The following PLSCR4 variants were observed in gnomAD, a reference collection of about 807,000 sequenced individuals.
PLSCR4 encodes the protein Ca(2+)-dependent phospholipid scramblase 4.
A neutral mutation model predicts 36.3 loss-of-function variants in PLSCR4; 25 were observed. The ratio of observed to expected loss-of-function variants is 0.69; its 90% CI spans 0.50 to 0.96. The LOEUF (loss-of-function observed/expected upper bound fraction) is 0.96. Ranked by LOEUF, PLSCR4 falls within the 40% of genes least tolerant of loss-of-function variation. The pLI is 0.00. For synonymous variants in PLSCR4, 122 were observed against 132.9 expected, an observed-to-expected ratio of 0.92 and a Z score of 0.56; for missense variants, 408 against 414.7, an observed-to-expected ratio of 0.98 and a Z score of 0.14.
At chr3:146,228,689 AAAG>A (rs2035578014) in intron 1 of PLSCR4, among the ~76,000 whole-genome samples, 1 of 149,470 alleles carries the variant, frequency 6.7e-6, no homozygotes, top group African/African-American at 2.5e-5. Flanking sequence ...CCAAAAATTA[AAAG>A]AATATAGTGT....
chr3:146,205,087 G>T (rs6808115), intron 4 of PLSCR4, among the ~76,000 whole-genome samples: 1 of 151,782 alleles, frequency 6.6e-6, no homozygotes, highest in Non-Finnish European at 1.5e-5. Context: ...GACAGAACTC[G>T]AGGAAATACT....
At chr3:146,204,502 T>C (rs985589464) in intron 4 of PLSCR4, among the ~76,000 whole-genome samples, 1 of 151,906 alleles carries the variant, frequency 6.6e-6, no homozygotes, top group East Asian at 1.9e-4. Flanking sequence ...AGCAAGAGGT[T>C]AGAAATTTTA....
At chr3:146,196,225 C>T (rs1416315298) in intron 7 of PLSCR4, among the ~76,000 whole-genome samples, 1 of 152,060 alleles carries the variant, frequency 6.6e-6, no homozygotes, top group Non-Finnish European at 1.5e-5. Context: ...AGTATTTCCA[C>T]AGCCTAAGGA....
intron 1 of PLSCR4, among the ~76,000 whole-genome samples, chr3:146,230,126 C>A (rs1415087161): frequency 6.6e-6 from 1 of 151,970 alleles, no homozygotes; most frequent in Non-Finnish European, 1.5e-5. Context: ...GGCCCCTAAG[C>A]CTGTGGAGTT....
intron 4 of PLSCR4, among the ~76,000 whole-genome samples, chr3:146,202,787 T>C (rs2034117163): frequency 6.6e-6 from 1 of 152,032 alleles, no homozygotes; most frequent in Non-Finnish European, 1.5e-5. Context: ...TCTAAAACCT[T>C]TGTCATTTCA....
intron 1 of PLSCR4, among the ~76,000 whole-genome samples, chr3:146,247,240 A>C (rs544203825): frequency 2.0e-5 from 3 of 152,182 alleles, no homozygotes; most frequent in African/African-American, 2.4e-5. Context: ...GCATTAAATT[A>C]TTGGAAGCAG....
At chr3:146,221,511 G>A (rs2035140133) in intron 2 of PLSCR4, among the ~76,000 whole-genome samples, 1 of 152,126 alleles carries the variant, frequency 6.6e-6, no homozygotes, top group African/African-American at 2.4e-5. Flanking sequence ...AGGTACTGAA[G>A]TCAGTTTCAT....
intron 1 of PLSCR4, among the ~76,000 whole-genome samples, chr3:146,238,343 A>C (rs71300384): frequency 6.6e-6 from 1 of 152,046 alleles, no homozygotes; most frequent in African/African-American, 2.4e-5. Context: ...TTAGGTAAAG[A>C]CAACACAACA....
At chr3:146,197,013 A>G (rs2033783364) in intron 6 of PLSCR4, among the ~76,000 whole-genome samples, 1 of 152,140 alleles carries the variant, frequency 6.6e-6, no homozygotes, top group South Asian at 2.1e-4. Context: ...GATAGACAGC[A>G]GGCTTAATTA....
chr3:146,230,727 A>G (rs896158506), intron 1 of PLSCR4, among the ~76,000 whole-genome samples: 2 of 152,232 alleles, frequency 1.3e-5, no homozygotes, highest in Non-Finnish European at 2.9e-5. Context: ...CGCAGCAGTA[A>G]AAGGGTAAAC....
At chr3:146,242,429 A>G (rs1576499298) in intron 1 of PLSCR4, among the ~76,000 whole-genome samples, 1 of 152,250 alleles carries the variant, frequency 6.6e-6, no homozygotes, top group Admixed American at 6.5e-5. Flanking sequence ...AACTGGGGTC[A>G]TGGGTGAGAT....
chr3:146,196,608 A>G, intron 7 of PLSCR4, 24 bp downstream of exon 7: 1 of 1,609,594 alleles, frequency 6.2e-7, no homozygotes, highest in Non-Finnish European at 8.5e-7. Context: ...AAATATCAGA[A>G]ACACTATTTT....
intron 1 of PLSCR4, among the ~76,000 whole-genome samples, chr3:146,245,590 T>C (rs1450902650): frequency 6.6e-6 from 1 of 152,054 alleles, no homozygotes; most frequent in Admixed American, 6.5e-5. Context: ...TTTAAAAATA[T>C]AGTAACAGTT....
chr3:146,212,154 A>C (rs1403871248), intron 3 of PLSCR4, among the ~76,000 whole-genome samples: 1 of 152,084 alleles, frequency 6.6e-6, no homozygotes, highest in Non-Finnish European at 1.5e-5. Flanking sequence ...TTACTTTTCA[A>C]ATCTGTAAAA....
chr3:146,202,301 C>T (rs1350014129), intron 4 of PLSCR4, among the ~76,000 whole-genome samples: 3 of 151,918 alleles, frequency 2.0e-5, no homozygotes, highest in African/African-American at 7.3e-5. Context: ...AGTTTGGTTC[C>T]AGACCAAGGC....
chr3:146,223,610 T>C (rs527320541), intron 1 of PLSCR4: 2 of 151,972 alleles, frequency 1.3e-5, no homozygotes, highest in African/African-American at 4.8e-5. Context: ...GTCATCAATA[T>C]GGACACTGAG....
intron 1 of PLSCR4, among the ~76,000 whole-genome samples, chr3:146,228,436 G>C (rs1171579553): frequency 6.6e-6 from 1 of 151,856 alleles, no homozygotes; most frequent in East Asian, 1.9e-4. Flanking sequence ...GATTTCATGA[G>C]CATTGTTTGT....
intron 1 of PLSCR4, among the ~76,000 whole-genome samples, chr3:146,229,718 G>T (rs1215234404): frequency 6.6e-6 from 1 of 151,456 alleles, no homozygotes; most frequent in Non-Finnish European, 1.5e-5. Flanking sequence ...TCCGCCTCCC[G>T]GGTCCACGCC....
chr3:146,231,172 T>C (rs1290473621), intron 1 of PLSCR4, among the ~76,000 whole-genome samples: 1 of 152,220 alleles, frequency 6.6e-6, no homozygotes, highest in Non-Finnish European at 1.5e-5. Context: ...TCCAACTGCA[T>C]CCATGTTGCT....
Sources: allele counts gnomAD v4.1 joint callset (sites outside exome capture counted in the v4.1 genomes callset), GRCh38; gene constraint gnomAD v4.1.1; transcripts MANE v1.5; gene names NCBI Gene and HGNC (gene_info 2026-07-23, HGNC 2026-07-21).